The following CSMD1 variants were observed in gnomAD, a reference collection of about 807,000 sequenced individuals.
CSMD1 encodes the protein CUB and sushi domain-containing protein 1.
CSMD1 carries 213 observed loss-of-function variants against 417.5 expected under a neutral mutation model. The observed-to-expected ratio is 0.51, with a 90% CI of 0.46 to 0.57. CSMD1 has a LOEUF of 0.57. CSMD1 is among the 20% of genes least tolerant of loss of function. The pLI is 0.00. For missense variants in CSMD1, 6,923 were observed against 4,529.7 expected, an observed-to-expected ratio of 1.53 and a Z score of -15.17; for synonymous variants, 2,862 against 1,736.8, an observed-to-expected ratio of 1.65 and a Z score of -16.11.
intron 1 of CSMD1, among the ~76,000 whole-genome samples, chr8:4,709,703 G>A (rs1177262471): frequency 6.6e-6 from 1 of 152,168 alleles, no homozygotes; most frequent in Non-Finnish European, 1.5e-5. Flanking sequence ...CACAGCCTGG[G>A]GCACCTGTGG....
intron 23 of CSMD1, among the ~76,000 whole-genome samples, chr8:3,311,382 T>G (rs1049629287): frequency 6.6e-6 from 1 of 152,120 alleles, no homozygotes; most frequent in African/African-American, 2.4e-5. Flanking sequence ...CCTGAATAGC[T>G]GGGACTATAA....
intron 1 of CSMD1, among the ~76,000 whole-genome samples, chr8:4,686,008 C>T (rs1007955405): frequency 1.3e-5 from 2 of 152,162 alleles, no homozygotes; most frequent in African/African-American, 4.8e-5. Flanking sequence ...CTTATTTTCT[C>T]AATTTAATTC....
rs183143284 is a variant in CSMD1 at position 4,754,474 on chromosome 8, T to G, written c.86-116916A>C. On this transcript the variant is annotated intron_variant, in intron 1 of 69. Coordinates refer to ENST00000635120, the MANE Select transcript of CSMD1 (RefSeq NM_033225.6). ...CCCAAATTAGCATCTGTGTCATGCA[T>G]GCAATTTTTGCACTTCCAAGTTTAG... Among the ~76,000 whole-genome samples, 81 of 152,132 alleles carry G rather than the reference T, an allele frequency of 5.3e-4. No homozygotes were observed. In the Middle Eastern group the frequency reaches 0.01, roughly 20 times the overall value.
At chr8:4,102,606 C>T (rs888341778) in intron 3 of CSMD1, among the ~76,000 whole-genome samples, 2 of 152,286 alleles carry the variant, frequency 1.3e-5, no homozygotes, top group South Asian at 4.2e-4. Context: ...TAACTCATGT[C>T]TACTCAAATG....
intron 5 of CSMD1, among the ~76,000 whole-genome samples, chr8:3,805,194 A>T (rs1007493528): frequency 3.3e-5 from 5 of 152,170 alleles, no homozygotes; most frequent in African/African-American, 1.2e-4. Context: ...GGACTACAAC[A>T]TGACAAGGGA....
In CSMD1 at chr8:3,691,088, C is replaced by G. The variant is rs374940251; in HGVS notation, c.1009+17326G>C. ...CTCTAGCAAAACTGTATCAATGGGC[C>G]GGGCTTGGTGGCTCACACCTGTAAC... On this transcript the variant is annotated intron_variant, in intron 7 of 69. Coordinates refer to ENST00000635120, the MANE Select transcript of CSMD1 (RefSeq NM_033225.6). 1.6e-3 allele frequency among the ~76,000 whole-genome samples: 238 copies of G among 152,108 alleles called. 1 individual carries two copies. Among genetic ancestry groups the G allele is most frequent in the African/African-American group, 5.4e-3 (226 of 41,498 alleles).
intron 3 of CSMD1, among the ~76,000 whole-genome samples, chr8:4,285,311 A>G (rs1219392288): frequency 6.6e-6 from 1 of 152,196 alleles, no homozygotes; most frequent in East Asian, 1.9e-4. Context: ...CTCTGAAGCC[A>G]TGTGCAGTCC....
At chr8:3,864,309 C>G (rs1804929911) in intron 5 of CSMD1, among the ~76,000 whole-genome samples, 1 of 152,070 alleles carries the variant, frequency 6.6e-6, no homozygotes, top group Non-Finnish European at 1.5e-5. Flanking sequence ...AGCTCTTTTC[C>G]TATGAGAGGA....
intron 2 of CSMD1, among the ~76,000 whole-genome samples, chr8:4,619,228 G>A (rs188375949): frequency 4.1e-4 from 62 of 152,168 alleles, no homozygotes; most frequent in Admixed American, 9.8e-4. Flanking sequence ...ACCCCAAATA[G>A]TTTTTGAAAG....
chr8:3,284,508 C>G (rs1166732953), intron 25 of CSMD1, 162 bp from the exon 26 acceptor site: 8 of 624,160 alleles, frequency 1.3e-5, no homozygotes, highest in Non-Finnish European at 2.0e-5. Flanking sequence ...TGAGGCTCAC[C>G]GAAGATAATT....
At chr8:4,015,893 A>G (rs1271194370) in intron 4 of CSMD1, among the ~76,000 whole-genome samples, 1 of 152,188 alleles carries the variant, frequency 6.6e-6, no homozygotes, top group Non-Finnish European at 1.5e-5. Flanking sequence ...GCTTCCAAGC[A>G]AAACAGAAAC....
At chr8:3,584,324 A>G (rs560101074) in intron 9 of CSMD1, among the ~76,000 whole-genome samples, 1 of 152,288 alleles carries the variant, frequency 6.6e-6, no homozygotes, top group Non-Finnish European at 1.5e-5. Context: ...AAACTAAACC[A>G]AACACACCAA....
chr8:3,722,256 C>T (rs1036642846), intron 6 of CSMD1, among the ~76,000 whole-genome samples: 3 of 151,986 alleles, frequency 2.0e-5, no homozygotes, highest in African/African-American at 4.8e-5. Flanking sequence ...TGCAGTGAGT[C>T]GAGATCACAC....
At chr8:4,190,189 G>T (rs1280929613) in intron 3 of CSMD1, among the ~76,000 whole-genome samples, 1 of 150,122 alleles carries the variant, frequency 6.7e-6, no homozygotes, top group African/African-American at 2.5e-5. Context: ...AACCTGGGAG[G>T]TGGAGCTTGC....
intron 5 of CSMD1, among the ~76,000 whole-genome samples, chr8:3,983,299 T>G (rs1050433276): frequency 6.6e-6 from 1 of 151,556 alleles, no homozygotes; most frequent in Non-Finnish European, 1.5e-5. Flanking sequence ...CCCGGCTAAT[T>G]TTTTGTATTT....
At chr8:3,838,483 C>G (rs1016265020) in intron 5 of CSMD1, among the ~76,000 whole-genome samples, 1 of 129,106 alleles carries the variant, frequency 7.7e-6, no homozygotes, top group South Asian at 2.4e-4. Context: ...TATATATAGC[C>G]TATAGATATA....
chr8:3,463,250 G>A (rs1366364516), intron 12 of CSMD1, among the ~76,000 whole-genome samples: 1 of 152,070 alleles, frequency 6.6e-6, no homozygotes. Context: ...ACGATTCCAA[G>A]CACACTCCCA....
chr8:3,629,933 T>C (rs997851518), intron 7 of CSMD1, among the ~76,000 whole-genome samples: 1 of 152,236 alleles, frequency 6.6e-6, no homozygotes, highest in Non-Finnish European at 1.5e-5. Context: ...ACAGTGTTTG[T>C]TTGTTGCCTA....
intron 1 of CSMD1, among the ~76,000 whole-genome samples, chr8:4,718,963 T>TC (rs1808865839): frequency 6.6e-6 from 1 of 152,156 alleles, no homozygotes; most frequent in South Asian, 2.1e-4. Context: ...GAACGTTCAT[T>TC]ATATATTGAT....
Sources: gnomAD v4.1 joint callset for allele counts (sites outside exome capture counted in the v4.1 genomes callset) on GRCh38, gnomAD v4.1.1 for gene constraint, MANE v1.5 for transcripts, NCBI Gene and HGNC (gene_info 2026-07-23, HGNC 2026-07-21) for gene names.